MCM8: variants seen among roughly 807,000 people sequenced by gnomAD.
MCM8 encodes the protein minichromosome maintenance 8 homologous recombination repair factor.
Under a neutral mutation model 98.9 loss-of-function variants are expected in MCM8, and 85 were observed. The ratio of observed to expected loss-of-function variants is 0.86; its 90% CI spans 0.72 to 1.03. The LOEUF is 1.03. Among genes scored for constraint, MCM8 ranks in the 50% least tolerant of loss-of-function variants. The pLI is 0.00. For synonymous variants in MCM8, 352 were observed against 338.6 expected, an observed-to-expected ratio of 1.04 and a Z score of -0.44; for missense variants, 951 against 997.8, an observed-to-expected ratio of 0.95 and a Z score of 0.63.
In MCM8 at chr20:5,955,929, C is replaced by T. The variant is rs1436226804; in HGVS notation, c.486+678C>T. On this transcript the variant is annotated intron_variant, in intron 5 of 18. Transcript: ENST00000610722. ...GAGTGGCTGGGTGCACCACCATGCC[C>T]AGCTAAGTTTTGGAGTTTTAGTAGA... Among the ~76,000 whole-genome samples the T allele has an allele frequency of 2.6e-5, 4 of 152,066 alleles. No homozygotes were observed. In the South Asian group the frequency reaches 6.2e-4, roughly 24 times the overall value.
intron 8 of MCM8, among the ~76,000 whole-genome samples, chr20:5,966,291 C>T (rs2089273118): frequency 6.6e-6 from 1 of 152,056 alleles, no homozygotes; most frequent in Non-Finnish European, 1.5e-5. Flanking sequence ...TCTAGAATAT[C>T]TGACTGATTT....
intron 13 of MCM8, among the ~76,000 whole-genome samples, chr20:5,979,330 A>G (rs1160716952): frequency 6.6e-6 from 1 of 151,724 alleles, no homozygotes; most frequent in Admixed American, 6.6e-5. Flanking sequence ...CTGGGTCTGT[A>G]TTTACCTTCT....
Position 5,994,734 on chromosome 20 carries a change from T to TAA in MCM8, c.*360_*361dup, listed in dbSNP as rs11422423. 14,475 of 402,974 alleles carry TAA rather than the reference T, an allele frequency of 0.036. 5 individuals carry two copies. Among genetic ancestry groups the TAA allele is most frequent in the Middle Eastern group, 0.043 (53 of 1,240 alleles). The allele number at this position is 402,974 out of a possible 1,614,324, so 25.0% of individuals were successfully genotyped here. On this transcript the variant is annotated 3_prime_UTR_variant, in exon 19 of 19. Coordinates refer to ENST00000610722, the MANE Select transcript of MCM8 (RefSeq NM_032485.6). Reference sequence around the variant, plus strand: ...GGCAACATAGCAAGACCCCATTTCTTAAAAAAAAAAAAAAAAAATTTAAAC... The same window carrying TAA: ...GGCAACATAGCAAGACCCCATTTCTTAAAAAAAAAAAAAAAAAAAATTTAAAC...
chr20:5,991,578 G>A (rs2122841234), intron 17 of MCM8: 1 of 152,200 alleles, frequency 6.6e-6, no homozygotes, highest in Middle Eastern at 3.4e-3. Context: ...AAAATTTTCA[G>A]GAAAAAGAAA....
rs1303666514 is a variant in MCM8 at position 5,993,638 on chromosome 20, T to A, written c.2373T>A (p.Tyr791Ter). 3 of 1,611,178 alleles carry A rather than the reference T, an allele frequency of 1.9e-6. No individual in the cohort carries two copies. The highest frequency in any genetic ancestry group is 2.5e-6 in the Non-Finnish European group (3 of 1,178,152). ...SALNNVAERTYNNIFQFHQLR... is the reference protein window; with the variant it reads ...SALNNVAERT Reference sequence around the variant, plus strand: ...TCAACAACGTTGCTGAAAGAACTTATAATAATATATTTCAATTTCATCAAC... The same window carrying A: ...TCAACAACGTTGCTGAAAGAACTTAAAATAATATATTTCAATTTCATCAAC... Residue 791 changes from tyrosine to a stop codon, truncating the protein, a stop_gained, in exon 18 of 19, where the codon TAT (tyrosine) becomes TAA (stop). Transcript: ENST00000610722. LOFTEE classifies it high-confidence loss of function.
At position 5,995,132 on chromosome 20, in the gene MCM8, T is replaced by C. The variant is rs2089939094; in HGVS notation, c.*741T>C. On this transcript the variant is annotated 3_prime_UTR_variant, in exon 19 of 19. Transcript: ENST00000610722. The stretch of plus-strand genomic sequence containing the variant: ...TATTCTGTGTTCCAATAAAACTTTA[T>C]TTATGGACACTAAAATTTGAATTTC... The C allele has an allele frequency of 6.6e-6, 1 of 152,578 alleles. No individual in the cohort carries two copies. The highest frequency in any genetic ancestry group is 2.4e-5 in the African/African-American group (1 of 41,460). 9.5% of individuals were successfully genotyped at this position (152,578 alleles called of 1,614,324 possible). A position where few individuals can be genotyped will look rare whatever the true frequency, so the allele number is the denominator to read the frequency against.
At chr20:5,959,997 A>G (rs1456381727) in intron 7 of MCM8, among the ~76,000 whole-genome samples, 3 of 152,076 alleles carry the variant, frequency 2.0e-5, no homozygotes, top group African/African-American at 7.2e-5. Flanking sequence ...TTTTAACTGT[A>G]TTAGATGTTA....
Position 5,994,445 on chromosome 20 carries a change from C to T in MCM8, c.*54C>T, listed in dbSNP as rs746438411. 2.6e-4 allele frequency: 285 copies of T among 1,107,528 alleles called. No homozygotes were observed. The highest frequency in any genetic ancestry group is 2.2e-4 in the Middle Eastern group (1 of 4,534). 68.6% of individuals were successfully genotyped at this position (1,107,528 alleles called of 1,614,324 possible). On this transcript the variant is annotated 3_prime_UTR_variant, in exon 19 of 19. Transcript: ENST00000610722. Reference sequence around the variant, plus strand: ...GGTTTATTGCAGATTAAAGCCATCTCAGTGAAGATATGCGTGCACGCACAG... The same window carrying T: ...GGTTTATTGCAGATTAAAGCCATCTTAGTGAAGATATGCGTGCACGCACAG...
intron 12 of MCM8, among the ~76,000 whole-genome samples, chr20:5,974,329 G>A (rs527626472): frequency 6.6e-6 from 1 of 152,122 alleles, no homozygotes; most frequent in African/African-American, 2.4e-5. Flanking sequence ...GTTTTGCCAT[G>A]TTGCCCAGGC....
Position 5,994,673 on chromosome 20 carries a change from A to G in MCM8, c.*282A>G. 1 of 475,710 alleles carries G rather than the reference A, an allele frequency of 2.1e-6. No homozygotes were observed. The allele number at this position is 475,710 out of a possible 1,614,324, so 29.5% of individuals were successfully genotyped here. A position where few individuals can be genotyped will look rare whatever the true frequency, so the allele number is the denominator to read the frequency against. On this transcript the variant is annotated 3_prime_UTR_variant, in exon 19 of 19. Transcript: ENST00000610722. ...CAGTGACTCAGGAGGCTGAGGTGAG[A>G]GGATTCCTTGAGGCCAGGGTTCGAG...
chr20:5,957,926 A>G (rs2089029509), intron 6 of MCM8, among the ~76,000 whole-genome samples: 1 of 152,346 alleles, frequency 6.6e-6, no homozygotes, highest in African/African-American at 2.4e-5. Context: ...ATTTCCTAGC[A>G]GTTCTTTAAA....
Position 5,993,519 on chromosome 20 carries a change from T to TAC in MCM8, c.2255_2256dup (p.Ser753ThrfsTer8), listed in dbSNP as rs1169873616. ...TTTCTTTTTAAGCATGCTAGGAACTTACTCTGATGAATTTGGGAACCTAGA... is the reference window on the plus strand; with the variant it reads ...TTTCTTTTTAAGCATGCTAGGAACTTACACTCTGATGAATTTGGGAACCTAGA... On this transcript the variant is annotated frameshift_variant, in exon 18 of 19. Coordinates refer to ENST00000610722, the MANE Select transcript of MCM8 (RefSeq NM_032485.6). LOFTEE classifies it high-confidence loss of function. The TAC allele has an allele frequency of 1.3e-6, 2 of 1,569,274 alleles. 1 individual carries two copies. The highest frequency in any genetic ancestry group is 1.7e-6 in the Non-Finnish European group (2 of 1,152,992).
At chr20:5,957,613 T>A (rs1283495899) in intron 6 of MCM8, among the ~76,000 whole-genome samples, 2 of 152,308 alleles carry the variant, frequency 1.3e-5, no homozygotes, top group East Asian at 3.9e-4. Flanking sequence ...TGAAAGGAAA[T>A]GTTCATTGGA....
intron 6 of MCM8, 95 bp downstream of exon 6, chr20:5,957,324 G>A (rs188517491): frequency 1.1e-3 from 931 of 817,166 alleles, no homozygotes; most frequent in Non-Finnish European, 1.7e-3. Context: ...GAGGAAATCA[G>A]TAAAAAGGAC....
intron 7 of MCM8, among the ~76,000 whole-genome samples, chr20:5,960,210 C>T (rs1163462646): frequency 6.6e-6 from 1 of 152,088 alleles, no homozygotes; most frequent in Non-Finnish European, 1.5e-5. Context: ...CATATCTTTA[C>T]TGGCCATTCA....
At chr20:5,955,491 AT>A (rs2088955306) in intron 5 of MCM8, among the ~76,000 whole-genome samples, 1 of 145,136 alleles carries the variant, frequency 6.9e-6, no homozygotes, top group African/African-American at 2.8e-5. Context: ...ACTTATTTGG[AT>A]TTGCTTAATC....
Position 5,957,228 on chromosome 20 carries a change from A to G in MCM8, c.589A>G (p.Arg197Gly). 6.2e-7 allele frequency: 1 copy of G among 1,610,362 alleles called. No homozygotes were observed. ...TMVNVPHIHA[R>G]VYNYEPLTQL... ...GGTAAATGTGCCACATATTCATGCA[A>G]GGTGAGGAATTTGATGTATTAAAGT... Residue 197 changes from arginine to glycine, a missense_variant and splice_region_variant, in exon 6 of 19, where the codon AGG becomes GGG. Physicochemically the swap from Arg to Gly is moderately radical, Grantham distance 125. Transcript: ENST00000610722.
At chr20:5,989,251 G>C (rs542655900) in intron 17 of MCM8, among the ~76,000 whole-genome samples, 2 of 150,984 alleles carry the variant, frequency 1.3e-5, no homozygotes, top group Non-Finnish European at 1.5e-5. Flanking sequence ...CATGTAGCTG[G>C]GACTACAGGT....
chr20:5,955,030 A>G, intron 4 of MCM8, 72 bp from the exon 5 acceptor site: 1 of 1,052,288 alleles, frequency 9.5e-7, no homozygotes, highest in East Asian at 2.5e-5. Context: ...CAAAGTCTAT[A>G]ATAGAATGCT....
Sources: gnomAD v4.1 joint callset for allele counts (sites outside exome capture counted in the v4.1 genomes callset) on GRCh38, gnomAD v4.1.1 for gene constraint, MANE v1.5 for transcripts, NCBI Gene and HGNC (gene_info 2026-07-23, HGNC 2026-07-21) for gene names.